Variants in ANK3 observed in about 807,000 individuals in gnomAD.
The protein encoded by ANK3 is ankyrin-3.
A neutral mutation model predicts 370.9 loss-of-function variants in ANK3; 57 were observed. The observed-to-expected ratio is 0.15, with a 90% CI of 0.12 to 0.19. The LOEUF is 0.19. ANK3 is among the 10% of genes least tolerant of loss of function. The pLI is 1.00. For missense variants in ANK3, 4,439 were observed against 5,302.1 expected (o/e 0.84, Z 5.06); for synonymous variants, 1,929 against 1,946.3 (o/e 0.99, Z 0.23).
intron 5 of ANK3, among the ~76,000 whole-genome samples, chr10:60,265,981 G>A (rs1566098033): frequency 1.3e-5 from 2 of 151,974 alleles, no homozygotes; most frequent in Non-Finnish European, 2.9e-5. Context: ...TTTTCTCTAT[G>A]TATACAAATC....
intron 28 of ANK3, among the ~76,000 whole-genome samples, chr10:60,100,541 A>G (rs563748250): frequency 6.6e-6 from 1 of 152,342 alleles, no homozygotes; most frequent in East Asian, 1.9e-4. Context: ...ATTTTCTGTT[A>G]CATAGCAAGT....
rs769573528 is a variant in ANK3, at chr10:60,055,960, T to G, written c.12763A>C (p.Thr4255Pro). Reference sequence around the variant, plus strand: ...GTCTTTGCTTCTGGAGTGATTTCTGTATGGCTTCCATTTGCTTCAAATTTG... The same window carrying G: ...GTCTTTGCTTCTGGAGTGATTTCTGGATGGCTTCCATTTGCTTCAAATTTG... ...AGKFEANGSH[T>P]EITPEAKTKS... The change falls in exon 42 of 44, where the codon ACA becomes CCA. Residue 4255 changes from threonine (T) to proline (P), a missense_variant. Around this residue, in one of 13 missense-constraint regions of ANK3, gnomAD observed 242 missense variants for 228.0 expected, o/e 1.06. Coordinates refer to ENST00000280772, the MANE Select transcript of ANK3 (RefSeq NM_020987.5). 30 of 1,613,960 alleles carry G rather than the reference T, an allele frequency of 1.9e-5. No individual in the cohort carries two copies. Among genetic ancestry groups the G allele is most frequent in the Non-Finnish European group, 2.5e-5 (30 of 1,180,038 alleles).
intron 1 of ANK3, among the ~76,000 whole-genome samples, chr10:60,363,519 G>A (rs544942595): frequency 6.6e-6 from 1 of 152,176 alleles, no homozygotes; most frequent in African/African-American, 2.4e-5. Flanking sequence ...TTGAGAATGT[G>A]CAACTTAAAC....
chr10:60,674,965 CA>C, intron 1 of ANK3, among the ~76,000 whole-genome samples: 1 of 152,246 alleles, frequency 6.6e-6, no homozygotes, highest in East Asian at 1.9e-4. Context: ...GTCCTGGTAT[CA>C]GGGGCAAGTT....
chr10:60,575,111 T>C (rs552001925), intron 2 of ANK3, among the ~76,000 whole-genome samples: 1 of 152,206 alleles, frequency 6.6e-6, no homozygotes, highest in Non-Finnish European at 1.5e-5. Context: ...CAAGAATATG[T>C]TTGAAGAAAA....
intron 1 of ANK3, among the ~76,000 whole-genome samples, chr10:60,372,283 G>A (rs1414863691): frequency 2.0e-5 from 3 of 152,112 alleles, no homozygotes; most frequent in Admixed American, 2.0e-4. Flanking sequence ...ACCAATTGTG[G>A]CAACAACTGT....
rs959337454 is a variant in ANK3 at position 60,492,234 on chromosome 10, T to G, written c.96+122952A>C. Among the ~76,000 whole-genome samples, 7 of 152,202 alleles carry G rather than the reference T, an allele frequency of 4.6e-5. No homozygotes were observed. In the South Asian group the frequency reaches 1.4e-3, roughly 32 times the overall value. Reference sequence around the variant, plus strand: ...TCACCTAACAATGTATTTGTTAGATTATATTCCTCTCATAAAGCAATGTGT... The same window carrying G: ...TCACCTAACAATGTATTTGTTAGATGATATTCCTCTCATAAAGCAATGTGT... On this transcript the variant is annotated intron_variant, in intron 2 of 43. Transcript: ENST00000373827.
At chr10:60,431,996 C>T (rs1197676646) in intron 2 of ANK3, among the ~76,000 whole-genome samples, 1 of 152,118 alleles carries the variant, frequency 6.6e-6, no homozygotes, top group African/African-American at 2.4e-5. Flanking sequence ...GAAATGAAAT[C>T]AGAATTCCAA....
At chr10:60,139,178 C>T (rs1415062701) in intron 23 of ANK3, 91 bp from the exon 24 acceptor site, 1 of 1,462,896 alleles carries the variant, frequency 6.8e-7, no homozygotes, top group Non-Finnish European at 9.3e-7. Context: ...ATCAGCAAAT[C>T]CCCCAATATC....
At chr10:60,158,888 C>G (rs538383966) in intron 23 of ANK3, among the ~76,000 whole-genome samples, 1 of 152,004 alleles carries the variant, frequency 6.6e-6, no homozygotes, top group South Asian at 2.1e-4. Context: ...GTTGCCCAGG[C>G]TGGTCTTGAA....
chr10:60,459,258 T>C (rs1041089003), intron 2 of ANK3, among the ~76,000 whole-genome samples: 2 of 152,152 alleles, frequency 1.3e-5, no homozygotes, highest in East Asian at 3.9e-4. Flanking sequence ...GTATTTTCAA[T>C]GTTTCCTTTA....
rs575615453 is a variant in ANK3 at position 60,570,379 on chromosome 10, G to A, written c.96+44807C>T. On this transcript the variant is annotated intron_variant, in intron 2 of 43. Transcript: ENST00000373827. ...CAGAAGACTAACTTCCAACTAGGGA[G>A]AATCAAGACATTTCAAGAAGAGGGC... 2.0e-5 allele frequency among the ~76,000 whole-genome samples: 3 copies of A among 152,294 alleles called. No individual in the cohort carries two copies. In the South Asian group the frequency reaches 6.2e-4, roughly 32 times the overall value.
At chr10:60,455,620 G>A (rs546493897) in intron 2 of ANK3, among the ~76,000 whole-genome samples, 10 of 152,002 alleles carry the variant, frequency 6.6e-5, no homozygotes, top group South Asian at 2.1e-4. Flanking sequence ...CATCACACTC[G>A]GAAATTACAT....
At chr10:60,435,436 TC>T (rs2064132621) in intron 2 of ANK3, among the ~76,000 whole-genome samples, 1 of 152,150 alleles carries the variant, frequency 6.6e-6, no homozygotes, top group African/African-American at 2.4e-5. Flanking sequence ...TCTAGGTGAG[TC>T]CTAATCACCA....
intron 8 of ANK3, among the ~76,000 whole-genome samples, chr10:60,233,506 A>C (rs1028470493): frequency 2.6e-5 from 4 of 152,166 alleles, no homozygotes; most frequent in Admixed American, 6.5e-5. Flanking sequence ...ATCAAAGCCT[A>C]CTGTAGCCTT....
At chr10:60,262,579 G>A (rs1297444130) in intron 6 of ANK3, among the ~76,000 whole-genome samples, 6 of 152,144 alleles carry the variant, frequency 3.9e-5, no homozygotes, top group South Asian at 2.1e-4. Flanking sequence ...AACATGCAGC[G>A]ATTCACTTAG....
At chr10:60,235,738 T>C (rs950882156) in intron 7 of ANK3, among the ~76,000 whole-genome samples, 10 of 152,110 alleles carry the variant, frequency 6.6e-5, no homozygotes, top group African/African-American at 1.4e-4. Flanking sequence ...GTTTAAGTTC[T>C]GCTGTTCACA....
chr10:60,579,181 T>C (rs2077717716), intron 2 of ANK3, among the ~76,000 whole-genome samples: 1 of 151,472 alleles, frequency 6.6e-6, no homozygotes, highest in Non-Finnish European at 1.5e-5. Context: ...AAAAATTTGC[T>C]GGAAGTGGTG....
chr10:60,561,689 C>A (rs2077337857), intron 2 of ANK3, among the ~76,000 whole-genome samples: 1 of 152,154 alleles, frequency 6.6e-6, no homozygotes, highest in African/African-American at 2.4e-5. Flanking sequence ...CTGGGACAGT[C>A]CATGATGAGG....
Sources: gnomAD v4.1 joint callset for allele counts (sites outside exome capture counted in the v4.1 genomes callset) on GRCh38, gnomAD v4.1.1 for gene constraint, gnomAD v4.1.1 regional missense constraint, MANE v1.5 for transcripts, NCBI Gene and HGNC (gene_info 2026-07-23, HGNC 2026-07-21) for gene names.